ARHGAP20: variants seen among roughly 807,000 people sequenced by gnomAD.
ARHGAP20 encodes rho GTPase-activating protein 20.
In ARHGAP20, 34 loss-of-function variants were observed where a neutral mutation model predicts 73.7. The ratio of observed to expected loss-of-function variants is 0.46; its 90% confidence interval spans 0.35 to 0.61. The LOEUF is 0.61. Among genes scored for constraint, ARHGAP20 ranks in the 20% least tolerant of loss-of-function variants. The pLI, the probability that ARHGAP20 is intolerant of heterozygous loss-of-function variation, is 0.00. For missense variants in ARHGAP20, 1,314 were observed against 1,420.9 expected (o/e 0.92, Z 1.21); for synonymous variants, 523 against 518.2 (o/e 1.01, Z -0.13).
chr11:110,656,102 G>A (rs1949460853), intron 2 of ARHGAP20, among the ~76,000 whole-genome samples: 1 of 152,142 alleles, frequency 6.6e-6, no homozygotes, highest in Non-Finnish European at 1.5e-5. Context: ...TCTCACTGTT[G>A]ATGCTCTCTC....
intron 9 of ARHGAP20, among the ~76,000 whole-genome samples, chr11:110,601,998 A>T (rs949152206): frequency 2.2e-4 from 32 of 142,884 alleles, no homozygotes; most frequent in East Asian, 1.0e-3. Flanking sequence ...AAAAAAAAAA[A>T]TTTTACTGTC....
intron 6 of ARHGAP20, 68 bp downstream of exon 6, chr11:110,614,486 CTCTCTCT>C (rs1240719585): frequency 7.3e-7 from 1 of 1,364,574 alleles, no homozygotes; most frequent in Non-Finnish European, 1.0e-6. Flanking sequence ...CCTGCCTGCT[CTCTCTCT>C]TCTTATCCGT....
intron 1 of ARHGAP20, among the ~76,000 whole-genome samples, chr11:110,703,305 T>C (rs970533414): frequency 3.9e-5 from 6 of 152,126 alleles, no homozygotes; most frequent in Admixed American, 1.3e-4. Context: ...TACTACCATG[T>C]TGAAATACAA....
chr11:110,579,663 A>C lies in ARHGAP20; in HGVS notation c.3283T>G (p.Leu1095Val). Residue 1095 changes from leucine to valine, a missense_variant, in exon 15 of 15, where the codon TTA (leucine) becomes GTA (valine). Leu to Val is a conservative substitution (Grantham distance 32). Around this residue, in one of 3 missense-constraint regions of ARHGAP20, gnomAD observed 641 missense variants for 636.9 expected, o/e 1.01. Coordinates refer to ENST00000683387, the MANE Select transcript of ARHGAP20 (RefSeq NM_001384657.1). ...GGGGACAGTCCTTCAGCTGCCCTTA[A>C]GGGCAAGTCTTTTTGTTCCTCTTGC... ...SLQEEQKDLP[L>V]RAAEGLSPVQ... The C allele has an allele frequency of 6.2e-7, 1 of 1,614,196 alleles. No homozygotes were observed. Among genetic ancestry groups the C allele is most frequent in the Non-Finnish European group, 8.5e-7 (1 of 1,180,038 alleles).
intron 9 of ARHGAP20, among the ~76,000 whole-genome samples, chr11:110,603,454 T>C (rs771594997): frequency 2.6e-5 from 4 of 152,212 alleles, no homozygotes; most frequent in Non-Finnish European, 5.9e-5. Flanking sequence ...ACTGTAGTAA[T>C]TTTCAAAACA....
intron 9 of ARHGAP20, among the ~76,000 whole-genome samples, chr11:110,598,106 T>C (rs1201272230): frequency 6.6e-6 from 1 of 151,008 alleles, no homozygotes; most frequent in African/African-American, 2.4e-5. Context: ...ATAATAACCA[T>C]AACAACAAAA....
chr11:110,702,824 T>C (rs11213548), intron 1 of ARHGAP20, among the ~76,000 whole-genome samples: 42,200 of 151,950 alleles, frequency 0.28, 6,234 homozygotes, highest in African/African-American at 0.39. Context: ...ATCCAACTTA[T>C]GAGGAATGTG....
At chr11:110,587,769 T>C (rs1947709318) in intron 11 of ARHGAP20, among the ~76,000 whole-genome samples, 2 of 152,148 alleles carry the variant, frequency 1.3e-5, no homozygotes, top group Non-Finnish European at 2.9e-5. Context: ...TATCCTTTTT[T>C]TTTTAGAATG....
At chr11:110,700,405 G>C (rs1351500649) in intron 1 of ARHGAP20, among the ~76,000 whole-genome samples, 1 of 151,826 alleles carries the variant, frequency 6.6e-6, no homozygotes, top group Admixed American at 6.6e-5. Flanking sequence ...ATTCAAACTT[G>C]ACTATTAATT....
intron 4 of ARHGAP20, among the ~76,000 whole-genome samples, chr11:110,623,499 C>G (rs1024075727): frequency 1.3e-5 from 2 of 152,208 alleles, no homozygotes; most frequent in Non-Finnish European, 2.9e-5. Context: ...TTGGGAAACT[C>G]TGACTCCTTA....
intron 3 of ARHGAP20, among the ~76,000 whole-genome samples, chr11:110,628,484 T>C (rs1192949686): frequency 6.6e-6 from 1 of 152,148 alleles, no homozygotes; most frequent in South Asian, 2.1e-4. Flanking sequence ...TCCTAAAAAA[T>C]GGTGGTCAAA....
At position 110,580,093 on chromosome 11, in the gene ARHGAP20, G is replaced by C; in HGVS notation, c.2853C>G (p.Ser951Arg). The C allele has an allele frequency of 6.2e-7, 1 of 1,614,216 alleles. No individual in the cohort carries two copies. The highest frequency in any genetic ancestry group is 1.7e-5 in the Admixed American group (1 of 60,030). The stretch of plus-strand genomic sequence containing the variant: ...TCTGAGAAAAAGCACTGTCTTGGGA[G>C]CTTACTGATGAGCCGGATGGGGAAG... ...PGTSPSGSSV[S>R]SQDSAFSQIS... is the part of the protein sequence containing the mutation. The change falls in exon 15 of 15, where the codon AGC (serine) becomes AGG (arginine). Residue 951 changes from serine to arginine, a missense_variant. Ser to Arg is a moderately radical substitution (Grantham distance 110). Transcript: ENST00000683387.
At chr11:110,629,819 C>G (rs892655310) in intron 3 of ARHGAP20, among the ~76,000 whole-genome samples, 1 of 152,198 alleles carries the variant, frequency 6.6e-6, no homozygotes, top group African/African-American at 2.4e-5. Context: ...TCCAGGTGAG[C>G]TTTGAGATAA....
At chr11:110,610,069 G>C (rs1003229982) in intron 7 of ARHGAP20, among the ~76,000 whole-genome samples, 5 of 151,990 alleles carry the variant, frequency 3.3e-5, no homozygotes, top group African/African-American at 9.7e-5. Context: ...GAAAAGCATA[G>C]ATAAAAGAAT....
intron 12 of ARHGAP20, among the ~76,000 whole-genome samples, chr11:110,585,959 A>AT (rs1191159615): frequency 3.9e-5 from 6 of 152,158 alleles, no homozygotes; most frequent in Non-Finnish European, 7.4e-5. Flanking sequence ...TAAACTGAAG[A>AT]TTGGGTGTAT....
At chr11:110,696,765 A>G (rs1295504768) in intron 1 of ARHGAP20, among the ~76,000 whole-genome samples, 2 of 151,500 alleles carry the variant, frequency 1.3e-5, no homozygotes, top group Non-Finnish European at 3.0e-5. Context: ...TATTATTTCC[A>G]TCTTTATGTC....
At chr11:110,699,057 T>A (rs538129480) in intron 1 of ARHGAP20, among the ~76,000 whole-genome samples, 1 of 151,972 alleles carries the variant, frequency 6.6e-6, no homozygotes, top group Non-Finnish European at 1.5e-5. Flanking sequence ...TTTAAAGTTA[T>A]AAACTTTCCT....
At chr11:110,703,794 C>T (rs1950502748) in intron 1 of ARHGAP20, among the ~76,000 whole-genome samples, 1 of 152,108 alleles carries the variant, frequency 6.6e-6, no homozygotes, top group Non-Finnish European at 1.5e-5. Context: ...AATCTTTAAG[C>T]AGCACCCTGG....
intron 2 of ARHGAP20, among the ~76,000 whole-genome samples, chr11:110,654,770 CA>C (rs1949429305): frequency 6.6e-6 from 1 of 152,130 alleles, no homozygotes; most frequent in Non-Finnish European, 1.5e-5. Context: ...AGTGCTAAAG[CA>C]AAATTCTCCA....
Sources: allele counts gnomAD v4.1 joint callset (sites outside exome capture counted in the v4.1 genomes callset), GRCh38; gene constraint gnomAD v4.1.1; regional missense constraint gnomAD v4.1.1; transcripts MANE v1.5; gene names NCBI Gene and HGNC (gene_info 2026-07-23, HGNC 2026-07-21).